Variants in PTGER3 observed in about 807,000 individuals in gnomAD.
PTGER3 encodes the protein prostaglandin E2 receptor EP3 subtype.
In PTGER3, 22 loss-of-function variants were observed where a neutral mutation model predicts 34.7. That is an observed-to-expected ratio of 0.63 (90% confidence interval 0.45 to 0.91). PTGER3 has a LOEUF of 0.91. Among genes scored for constraint, PTGER3 ranks in the 40% least tolerant of loss-of-function variants. The pLI is 0.00. For synonymous variants in PTGER3, 241 were observed against 230.1 expected (o/e 1.05, Z -0.43); for missense variants, 468 against 519.4 (o/e 0.90, Z 0.96).
chr1:70,920,638 T>C (rs1647431169), intron 4 of PTGER3, among the ~76,000 whole-genome samples: 2 of 152,290 alleles, frequency 1.3e-5, no homozygotes, highest in African/African-American at 4.8e-5. Flanking sequence ...GCTACAAAGC[T>C]GGAGATTGAG....
At chr1:70,945,609 A>G (rs1023767970) in intron 4 of PTGER3, among the ~76,000 whole-genome samples, 4 of 152,096 alleles carry the variant, frequency 2.6e-5, no homozygotes, top group African/African-American at 9.7e-5. Context: ...CTAGCTATAT[A>G]TTGCTTAAAT....
intron 2 of PTGER3, among the ~76,000 whole-genome samples, chr1:70,987,758 A>G (rs1164954492): frequency 6.6e-6 from 1 of 152,212 alleles, no homozygotes; most frequent in Admixed American, 6.5e-5. Context: ...TGACACTGCC[A>G]TAAGAATAAT....
At chr1:70,882,347 CT>C (rs1173989162) in intron 4 of PTGER3, among the ~76,000 whole-genome samples, 1 of 152,136 alleles carries the variant, frequency 6.6e-6, no homozygotes, top group African/African-American at 2.4e-5. Context: ...CATTGTCCAC[CT>C]GGTTATCAGT....
chr1:71,046,923 T>A lies in PTGER3; in HGVS notation c.655A>T (p.Thr219Ser), dbSNP rs531862149. The change falls in exon 1 of 4, where the codon ACT becomes TCT. Residue 219 changes from threonine (T) to serine (S), a missense_variant. Thr to Ser is a moderately conservative substitution (Grantham distance 58). Coordinates refer to ENST00000306666, the MANE Select transcript of PTGER3 (RefSeq NM_198719.2). ...FISTGRGGNG[T>S]SSSHNWGNLF... ...TTGCCCCAGTTATGCGAAGAGCTAGTCCCGTTGCCCCCTCGCCCGGTGCTG... is the reference window on the plus strand; with the variant it reads ...TTGCCCCAGTTATGCGAAGAGCTAGACCCGTTGCCCCCTCGCCCGGTGCTG... The A allele has an allele frequency of 8.1e-6, 13 of 1,609,746 alleles. No individual in the cohort carries two copies. The highest frequency in any genetic ancestry group is 1.3e-5 in the African/African-American group (1 of 75,016).
chr1:71,046,801 GC>G lies in PTGER3; in HGVS notation c.776del (p.Arg259ProfsTer41). On this transcript the variant is annotated frameshift_variant, in exon 1 of 4. Transcript: ENST00000306666. LOFTEE classifies it high-confidence loss of function. The stretch of plus-strand genomic sequence containing the variant: ...GAGATGCCGTGGCCTTGGCCCGGCA[GC>G]GGGACACCAGGGCCTTAATGGTGGC... Reference protein sequence around the residue: ...NLATIKALVSRCRAKATASQS... With the variant: ...NLATIKALVSXCRAKATASQS... The G allele has an allele frequency of 3.1e-6, 5 of 1,614,106 alleles. No homozygotes were observed. The highest frequency in any genetic ancestry group is 4.2e-6 in the Non-Finnish European group (5 of 1,180,048).
intron 4 of PTGER3, among the ~76,000 whole-genome samples, chr1:70,878,953 G>A (rs1646329162): frequency 1.3e-5 from 2 of 152,036 alleles, no homozygotes; most frequent in African/African-American, 4.8e-5. Flanking sequence ...TTCTGTTTTG[G>A]GGTATAGTGT....
chr1:70,994,960 T>A (rs922830036), intron 2 of PTGER3, among the ~76,000 whole-genome samples: 1 of 152,084 alleles, frequency 6.6e-6, no homozygotes, highest in Non-Finnish European at 1.5e-5. Context: ...AAGATTAAAA[T>A]GATGTGTCTT....
rs1048513675 is a variant in PTGER3 at position 71,011,653 on chromosome 1, G to T, written c.1077+652C>A. On this transcript the variant is annotated intron_variant, in intron 2 of 3. Transcript: ENST00000306666. ...ATCAATCCAAGTAAACTTAAACTTT[G>T]TTAGGTTAGGAGCTAATTTGCTGTA... 4 of 979,942 alleles carry T rather than the reference G, an allele frequency of 4.1e-6. No homozygotes were observed. The South Asian group carries it at 1.9e-4, about 46-fold the overall frequency. The allele number at this position is 979,942 out of a possible 1,614,324, so 60.7% of individuals were successfully genotyped here. A position where few individuals can be genotyped will look rare whatever the true frequency, so the allele number is the denominator to read the frequency against.
chr1:70,875,573 A>G (rs973126361), intron 4 of PTGER3, among the ~76,000 whole-genome samples: 8 of 152,174 alleles, frequency 5.3e-5, no homozygotes, highest in African/African-American at 1.9e-4. Context: ...CATCATCCAG[A>G]TAATCAACAG....
intron 2 of PTGER3, among the ~76,000 whole-genome samples, chr1:71,002,644 T>G (rs1332482471): frequency 6.6e-6 from 1 of 152,246 alleles, no homozygotes; most frequent in African/African-American, 2.4e-5. Context: ...ATAAGAGTCA[T>G]GCATATCTAA....
intron 4 of PTGER3, chr1:70,865,628 G>A (rs1052287543): frequency 1.4e-5 from 19 of 1,332,528 alleles, no homozygotes; most frequent in Non-Finnish European, 1.9e-5. Context: ...TGTTTCATTA[G>A]AGATAGGCTG....
At chr1:70,968,672 T>C (rs1273578927), downstream of PTGER3, among the ~76,000 whole-genome samples, 1 of 151,966 alleles carries the variant, frequency 6.6e-6, no homozygotes, top group East Asian at 1.9e-4. Flanking sequence ...CTGCTCAATT[T>C]TTCTGTGAAA....
chr1:70,982,199 G>A (rs1288213271), intron 2 of PTGER3, among the ~76,000 whole-genome samples: 1 of 152,130 alleles, frequency 6.6e-6, no homozygotes, highest in East Asian at 1.9e-4. Context: ...CAGGTTAAGA[G>A]GGACTTTTTC....
At chr1:70,917,840 A>T (rs148783611) in intron 4 of PTGER3, among the ~76,000 whole-genome samples, 442 of 152,016 alleles carry the variant, frequency 2.9e-3, no homozygotes, top group Middle Eastern at 6.8e-3. Context: ...AGCCATTTGG[A>T]TTTTCTTCCA....
At chr1:70,897,098 T>A (rs1646737118) in intron 4 of PTGER3, among the ~76,000 whole-genome samples, 1 of 152,090 alleles carries the variant, frequency 6.6e-6, no homozygotes, top group Non-Finnish European at 1.5e-5. Flanking sequence ...CCTTTTTATA[T>A]TTGTATTATC....
intron 1 of PTGER3, among the ~76,000 whole-genome samples, chr1:71,038,199 C>T (rs901480167): frequency 1.2e-4 from 18 of 152,070 alleles, no homozygotes; most frequent in Non-Finnish European, 2.5e-4. Flanking sequence ...TAGAAAATGA[C>T]ATTTATTATG....
chr1:70,865,968 T>C (rs1646033794), intron 4 of PTGER3: 1 of 434,782 alleles, frequency 2.3e-6, no homozygotes, highest in Admixed American at 3.7e-5. Flanking sequence ...TTCTTCAAAG[T>C]TCAACTCAAG....
intron 4 of PTGER3, among the ~76,000 whole-genome samples, chr1:70,864,639 T>C (rs1280275791): frequency 6.6e-6 from 1 of 152,202 alleles, no homozygotes; most frequent in Non-Finnish European, 1.5e-5. Flanking sequence ...CAAGACATAG[T>C]TCCCTCAAAT....
intron 2 of PTGER3, chr1:71,011,439 C>G (rs1021144928): frequency 1.0e-6 from 1 of 985,222 alleles, no homozygotes; most frequent in Non-Finnish European, 1.2e-6. Flanking sequence ...GTGCTCAAAT[C>G]GGTCCTTACA....
Sources: gnomAD v4.1 joint callset for allele counts (sites outside exome capture counted in the v4.1 genomes callset) on GRCh38, gnomAD v4.1.1 for gene constraint, MANE v1.5 for transcripts, NCBI Gene and HGNC (gene_info 2026-07-23, HGNC 2026-07-21) for gene names.